Variants in KCNH5 observed in about 807,000 individuals in gnomAD.
KCNH5 encodes voltage-gated delayed rectifier potassium channel KCNH5.
KCNH5 carries 46 observed loss-of-function variants against 96.1 expected under a neutral mutation model. That is an observed-to-expected ratio of 0.48 (90% confidence interval 0.38 to 0.61). The LOEUF is 0.61. Among genes scored for constraint, KCNH5 ranks in the 20% least tolerant of loss-of-function variants. KCNH5 has a pLI of 0.00. For synonymous variants in KCNH5, 439 were observed against 449.8 expected, an observed-to-expected ratio of 0.98 and a Z score of 0.30; for missense variants, 907 against 1,225.8, an observed-to-expected ratio of 0.74 and a Z score of 3.88.
chr14:62,787,268 A>G (rs1415514841), intron 9 of KCNH5, among the ~76,000 whole-genome samples: 1 of 152,212 alleles, frequency 6.6e-6, no homozygotes, highest in East Asian at 1.9e-4. Flanking sequence ...AGTGGCCTGG[A>G]TAGAAGATCA....
intron 2 of KCNH5, among the ~76,000 whole-genome samples, chr14:63,010,444 T>A (rs965073108): frequency 5.9e-5 from 9 of 152,180 alleles, no homozygotes; most frequent in Admixed American, 2.6e-4. Flanking sequence ...CAAAAGGCAG[T>A]GTGTCACTGT....
At position 62,828,670 on chromosome 14, in the gene KCNH5, C is replaced by A. The variant is rs1399937022; in HGVS notation, c.1569+20983G>T. Among the ~76,000 whole-genome samples the A allele has an allele frequency of 2.0e-5, 3 of 152,018 alleles. No homozygotes were observed. In the East Asian group the frequency reaches 5.8e-4, roughly 29 times the overall value. The stretch of plus-strand genomic sequence containing the variant: ...ATGATCAAATCACCTCCTACAGGTC[C>A]CTCTATAACATGTGGGGATTACAAT... On this transcript the variant is annotated intron_variant, in intron 8 of 10. Coordinates refer to ENST00000322893, the MANE Select transcript of KCNH5 (RefSeq NM_139318.5).
intron 2 of KCNH5, among the ~76,000 whole-genome samples, chr14:63,013,390 C>T (rs78348520): frequency 0.021 from 3,236 of 152,096 alleles, 111 homozygotes; most frequent in African/African-American, 0.074. Flanking sequence ...AAGCTCACTG[C>T]TTTGTAGCTT....
intron 9 of KCNH5, 89 bp from the exon 10 acceptor site, chr14:62,780,013 C>T (rs931069680): frequency 3.7e-6 from 4 of 1,072,776 alleles, no homozygotes; most frequent in East Asian, 2.7e-5. Flanking sequence ...ACAGTATTGA[C>T]CTTCTAGCAT....
At chr14:62,978,582 G>A (rs1369332117) in intron 6 of KCNH5, among the ~76,000 whole-genome samples, 2 of 137,476 alleles carry the variant, frequency 1.5e-5, no homozygotes, top group African/African-American at 5.4e-5. Context: ...GTGAGACTCC[G>A]TCTCAAAAAA....
At chr14:62,940,888 T>C (rs1889774541) in intron 7 of KCNH5, among the ~76,000 whole-genome samples, 1 of 152,220 alleles carries the variant, frequency 6.6e-6, no homozygotes, top group Admixed American at 6.5e-5. Context: ...TACACAATGA[T>C]GAACAGGACA....
chr14:63,041,524 G>A lies in KCNH5; in HGVS notation c.73+3590C>T, dbSNP rs551099321. On this transcript the variant is annotated intron_variant, in intron 1 of 10. Coordinates refer to ENST00000322893, the MANE Select transcript of KCNH5 (RefSeq NM_139318.5). ...TACTAGCCAAAAGTTTGTCTAAGCC[G>A]TCCTATAGCATTTATACTTTAAACT... 1.1e-3 allele frequency among the ~76,000 whole-genome samples: 165 copies of A among 152,090 alleles called. 4 individuals are homozygous for A. Among genetic ancestry groups the A allele is most frequent in the South Asian group, 1.0e-2 (48 of 4,822 alleles).
intron 7 of KCNH5, among the ~76,000 whole-genome samples, chr14:62,908,780 G>GTTTTTTTTT (rs1451340124): frequency 1.0e-4 from 2 of 19,800 alleles, no homozygotes; most frequent in African/African-American, 2.2e-4. Context: ...ATTTTGCTTT[G>GTTTTTTTTT]TATTTTTTTT....
intron 2 of KCNH5, among the ~76,000 whole-genome samples, chr14:63,014,556 G>T (rs1891288860): frequency 6.6e-6 from 1 of 152,172 alleles, no homozygotes; most frequent in Admixed American, 6.6e-5. Context: ...GCCAGGGATA[G>T]GGCAAATACA....
chr14:62,816,898 T>C (rs1886990872), intron 8 of KCNH5, among the ~76,000 whole-genome samples: 1 of 151,286 alleles, frequency 6.6e-6, no homozygotes, highest in South Asian at 2.1e-4. Flanking sequence ...TCACAGATTC[T>C]CTCTTCTTCC....
chr14:62,842,028 T>C (rs1241106050), intron 8 of KCNH5, among the ~76,000 whole-genome samples: 3 of 152,222 alleles, frequency 2.0e-5, no homozygotes, highest in African/African-American at 7.2e-5. Flanking sequence ...TTACGCTAAA[T>C]TTCAACGTGA....
At chr14:62,893,921 T>G (rs1048637305) in intron 7 of KCNH5, among the ~76,000 whole-genome samples, 2 of 152,220 alleles carry the variant, frequency 1.3e-5, no homozygotes, top group African/African-American at 4.8e-5. Context: ...TTTAAGAAAT[T>G]GCCACAGCCA....
chr14:62,825,834 C>A lies in KCNH5; in HGVS notation c.1570-23253G>T, dbSNP rs144925299. On this transcript the variant is annotated intron_variant, in intron 8 of 10. Transcript: ENST00000322893. ...CTTCGTTCTCTTGCTCCTTCCCTTA[C>A]TTCCTCCCTCCTGCCTTCCTGTTTC... Among the ~76,000 whole-genome samples, 1,219 of 152,018 alleles carry A rather than the reference C, an allele frequency of 8.0e-3. 14 individuals are homozygous for A. Among genetic ancestry groups the A allele is most frequent in the Middle Eastern group, 0.041 (12 of 294 alleles).
intron 7 of KCNH5, among the ~76,000 whole-genome samples, chr14:62,920,274 T>C (rs1191035834): frequency 6.6e-6 from 1 of 152,066 alleles, no homozygotes; most frequent in Non-Finnish European, 1.5e-5. Flanking sequence ...TGTATGTCAG[T>C]AGCAGCAACA....
At chr14:62,860,996 G>A (rs867292831) in intron 7 of KCNH5, among the ~76,000 whole-genome samples, 3 of 152,202 alleles carry the variant, frequency 2.0e-5, no homozygotes, top group African/African-American at 7.2e-5. Context: ...ATGATGCACA[G>A]TCACTCAGAG....
chr14:62,888,487 A>G (rs759653766), intron 7 of KCNH5, among the ~76,000 whole-genome samples: 1 of 152,194 alleles, frequency 6.6e-6, no homozygotes, highest in Non-Finnish European at 1.5e-5. Flanking sequence ...GGCAGTGGGC[A>G]GGCATCTGAA....
chr14:63,021,062 T>C (rs1039300361), intron 1 of KCNH5, among the ~76,000 whole-genome samples: 2 of 152,118 alleles, frequency 1.3e-5, no homozygotes, highest in Non-Finnish European at 2.9e-5. Context: ...AATTGTTTTC[T>C]TTCTCGCCTT....
At chr14:62,761,306 G>A (rs566172884) in intron 10 of KCNH5, among the ~76,000 whole-genome samples, 2 of 148,910 alleles carry the variant, frequency 1.3e-5, no homozygotes, top group South Asian at 4.2e-4. Flanking sequence ...AATGAGCCAA[G>A]ATCACGCCAC....
intron 1 of KCNH5, among the ~76,000 whole-genome samples, chr14:63,017,265 A>T (rs888124450): frequency 2.0e-5 from 3 of 152,136 alleles, no homozygotes; most frequent in Admixed American, 1.3e-4. Context: ...AATGTTAATG[A>T]CTATAAATTA....
Sources: gnomAD v4.1 joint callset for allele counts (sites outside exome capture counted in the v4.1 genomes callset) on GRCh38, gnomAD v4.1.1 for gene constraint, MANE v1.5 for transcripts, NCBI Gene and HGNC (gene_info 2026-07-23, HGNC 2026-07-21) for gene names.